ANO6: variants seen among roughly 807,000 people sequenced by gnomAD.
The protein encoded by ANO6 is anoctamin-6.
A neutral mutation model predicts 117.5 loss-of-function variants in ANO6; 106 were observed. The observed-to-expected ratio is 0.90, with a 90% CI of 0.77 to 1.06. The LOEUF is 1.06. Among genes scored for constraint, ANO6 ranks in the 50% least tolerant of loss-of-function variants. The pLI, the probability that ANO6 is intolerant of heterozygous loss-of-function variation, is 0.00. For missense variants in ANO6, 955 were observed against 1,121.1 expected, an observed-to-expected ratio of 0.85 and a Z score of 2.12; for synonymous variants, 367 against 385.1, an observed-to-expected ratio of 0.95 and a Z score of 0.55.
intron 16 of ANO6, among the ~76,000 whole-genome samples, chr12:45,416,370 A>G (rs1032482452): frequency 1.3e-5 from 2 of 152,080 alleles, no homozygotes; most frequent in African/African-American, 2.4e-5. Context: ...TCAACATTCT[A>G]TTTCAACACT....
intron 3 of ANO6, among the ~76,000 whole-genome samples, chr12:45,333,218 T>A (rs1047539273): frequency 6.6e-5 from 10 of 152,050 alleles, no homozygotes; most frequent in African/African-American, 2.4e-4. Context: ...TTCTTGTATC[T>A]TCCCATTTGG....
intron 6 of ANO6, 82 bp downstream of exon 6, chr12:45,348,713 TGTAA>T (rs1363336575): frequency 2.3e-5 from 24 of 1,021,396 alleles, no homozygotes; most frequent in Admixed American, 3.4e-5. Context: ...CTTTCCTGAC[TGTAA>T]GTTTCTTCCT....
At chr12:45,265,941 A>G (rs1220886147) in intron 1 of ANO6, among the ~76,000 whole-genome samples, 3 of 152,210 alleles carry the variant, frequency 2.0e-5, no homozygotes, top group African/African-American at 7.2e-5. Flanking sequence ...TTAGGGACAC[A>G]GTTCTTGCCT....
At chr12:45,237,358 G>C (rs1285786039) in intron 1 of ANO6, among the ~76,000 whole-genome samples, 2 of 152,142 alleles carry the variant, frequency 1.3e-5, no homozygotes, top group East Asian at 1.9e-4. Context: ...TATGGTTTTA[G>C]GTCTAACTTA....
At chr12:45,378,008 T>G in intron 9 of ANO6, 45 bp from the exon 10 acceptor site, 1 of 1,530,468 alleles carries the variant, frequency 6.5e-7, no homozygotes, top group Non-Finnish European at 9.1e-7. Flanking sequence ...TGAATCCTAA[T>G]AAGTGGAGGA....
At chr12:45,376,776 G>A (rs549654967) in intron 9 of ANO6, among the ~76,000 whole-genome samples, 22 of 150,232 alleles carry the variant, frequency 1.5e-4, no homozygotes, top group South Asian at 8.4e-4. Flanking sequence ...TGGGTGCAGC[G>A]CACCAACATG....
chr12:45,251,041 G>A (rs1447802995), intron 1 of ANO6, among the ~76,000 whole-genome samples: 2 of 151,658 alleles, frequency 1.3e-5, no homozygotes, highest in Non-Finnish European at 2.9e-5. Context: ...CTTCAACCTG[G>A]GCAACAGAGT....
chr12:45,342,521 G>A (rs1941007274), intron 3 of ANO6, among the ~76,000 whole-genome samples: 1 of 152,008 alleles, frequency 6.6e-6, no homozygotes. Context: ...GAATTAAACT[G>A]CATCTCTCTT....
Position 45,348,256 on chromosome 12 carries a change from A to G in ANO6, c.574A>G (p.Asn192Asp). 1.2e-6 allele frequency: 2 copies of G among 1,614,058 alleles called. No homozygotes were observed. Among genetic ancestry groups the G allele is most frequent in the Non-Finnish European group, 1.7e-6 (2 of 1,179,950 alleles). Reference protein sequence around the residue: ...FTAPFEKNRMNDFYIVDRDAF... With the variant: ...FTAPFEKNRMDDFYIVDRDAF... Reference sequence around the variant, plus strand: ...TGCCCCATTTGAGAAGAACCGGATGAATGATTTTTACATAGTTGATAGAGA... The same window carrying G: ...TGCCCCATTTGAGAAGAACCGGATGGATGATTTTTACATAGTTGATAGAGA... Residue 192 changes from asparagine to aspartate, a missense_variant, in exon 5 of 20, where the codon AAT (asparagine) becomes GAT (aspartate). Asn to Asp is a conservative substitution (Grantham distance 23, BLOSUM62 1). Transcript: ENST00000320560.
rs141470975 is a variant in ANO6 at position 45,223,506 on chromosome 12, C to T, written c.70+7115C>T. Among the ~76,000 whole-genome samples, 212 of 152,308 alleles carry T rather than the reference C, an allele frequency of 1.4e-3. 1 individual carries two copies. The highest frequency in any genetic ancestry group is 4.9e-3 in the African/African-American group (205 of 41,568). Reference sequence around the variant, plus strand: ...TCTGCTCACAGCCTCCCTCCCCTCCCAAGTCTGTCACAAACCCAGAAAGTT... The same window carrying T: ...TCTGCTCACAGCCTCCCTCCCCTCCTAAGTCTGTCACAAACCCAGAAAGTT... On this transcript the variant is annotated intron_variant, in intron 1 of 19. Transcript: ENST00000320560.
chr12:45,402,210 A>G (rs983471861), intron 13 of ANO6, among the ~76,000 whole-genome samples, 190 bp downstream of exon 13: 3 of 152,250 alleles, frequency 2.0e-5, no homozygotes, highest in Non-Finnish European at 4.4e-5. Flanking sequence ...AAAGGGACAA[A>G]GCAAAGACAA....
At chr12:45,239,164 C>T (rs560567504) in intron 1 of ANO6, among the ~76,000 whole-genome samples, 1 of 152,190 alleles carries the variant, frequency 6.6e-6, no homozygotes, top group Non-Finnish European at 1.5e-5. Context: ...GTGAATCCAT[C>T]TGGTCCTGGA....
At chr12:45,351,027 T>A (rs1941266761) in intron 7 of ANO6, among the ~76,000 whole-genome samples, 1 of 152,208 alleles carries the variant, frequency 6.6e-6, no homozygotes, top group African/African-American at 2.4e-5. Context: ...AGTTCTCCAA[T>A]CACATGGTTG....
At chr12:45,353,543 C>T (rs1412337345) in intron 7 of ANO6, among the ~76,000 whole-genome samples, 1 of 152,110 alleles carries the variant, frequency 6.6e-6, no homozygotes. Context: ...CATTTACTAT[C>T]CCCTGTCCCT....
intron 17 of ANO6, among the ~76,000 whole-genome samples, chr12:45,419,656 G>A (rs1326746296): frequency 6.6e-6 from 1 of 152,080 alleles, no homozygotes; most frequent in Non-Finnish European, 1.5e-5. Flanking sequence ...ATCATGTTAA[G>A]CCAAAAACAT....
intron 3 of ANO6, among the ~76,000 whole-genome samples, chr12:45,337,187 C>T (rs1428414419): frequency 1.3e-5 from 2 of 152,066 alleles, no homozygotes; most frequent in Non-Finnish European, 2.9e-5. Flanking sequence ...GTTCAGTCAC[C>T]ACTCACTTGC....
intron 1 of ANO6, among the ~76,000 whole-genome samples, chr12:45,274,912 A>G (rs903869102): frequency 8.7e-5 from 13 of 149,528 alleles, no homozygotes; most frequent in African/African-American, 3.0e-4. Context: ...GTCACCCCTG[A>G]CTTATCTATC....
intron 3 of ANO6, among the ~76,000 whole-genome samples, chr12:45,344,456 A>G (rs11182989): frequency 0.079 from 12,072 of 152,210 alleles, 696 homozygotes; most frequent in East Asian, 0.32. Context: ...CAATCATGGC[A>G]GAGGAAGAAG....
chr12:45,317,277 C>T (rs1409178012), intron 2 of ANO6, among the ~76,000 whole-genome samples: 11 of 88,552 alleles, frequency 1.2e-4, no homozygotes, highest in African/African-American at 4.1e-4. Flanking sequence ...CCCCCTCCCC[C>T]CACCCCACAA....
Sources: allele counts gnomAD v4.1 joint callset (sites outside exome capture counted in the v4.1 genomes callset), GRCh38; gene constraint gnomAD v4.1.1; transcripts MANE v1.5; gene names NCBI Gene and HGNC (gene_info 2026-07-23, HGNC 2026-07-21).